The following TMEM59 variants were observed in gnomAD, a reference collection of about 807,000 sequenced individuals.
TMEM59 encodes dendritic cell factor 1.
In TMEM59, 44 loss-of-function variants were observed where a neutral mutation model predicts 42.2. That is an observed-to-expected ratio of 1.04 (90% CI 0.82 to 1.34). The LOEUF is 1.34. TMEM59 is among the 40% of genes most tolerant of loss of function. The pLI, the probability that TMEM59 is intolerant of heterozygous loss-of-function variation, is 0.00. For synonymous variants in TMEM59, 148 were observed against 145.8 expected, an observed-to-expected ratio of 1.02 and a Z score of -0.11; for missense variants, 359 against 382.8, an observed-to-expected ratio of 0.94 and a Z score of 0.52.
At chr1:54,046,683 TAAAC>T (rs1657348914) in intron 2 of TMEM59, among the ~76,000 whole-genome samples, 1 of 152,220 alleles carries the variant, frequency 6.6e-6, no homozygotes, top group Non-Finnish European at 1.5e-5. Context: ...TCTACACTAA[TAAAC>T]AGTGTAACGA....
rs1023067020 is a variant in TMEM59 at position 54,030,780 on chromosome 1, T to A, written c.*1370A>T. 4 of 152,210 alleles carry A rather than the reference T, an allele frequency of 2.6e-5. No homozygotes were observed. The highest frequency in any genetic ancestry group is 6.5e-5 in the Admixed American group (1 of 15,280). The allele number at this position is 152,210 out of a possible 1,614,324, so 9.4% of individuals were successfully genotyped here. A position where few individuals can be genotyped will look rare whatever the true frequency, so the allele number is the denominator to read the frequency against. On this transcript the variant is annotated 3_prime_UTR_variant, in exon 8 of 8. Transcript: ENST00000234831. ...ACCAAAGTCTTCCTTGATTAGCTGT[T>A]AACTGCTTTTCATTTGGACTCAGGA... is the stretch of plus-strand genomic sequence containing the variant.
intron 7 of TMEM59, chr1:54,034,447 T>C (rs912662161): frequency 6.6e-6 from 1 of 152,238 alleles, no homozygotes; most frequent in Non-Finnish European, 1.5e-5. Context: ...GGTGCCCCAG[T>C]ACCTTAAGCT....
intron 7 of TMEM59, among the ~76,000 whole-genome samples, chr1:54,032,850 T>C (rs751003053): frequency 8.6e-5 from 13 of 151,324 alleles, no homozygotes; most frequent in African/African-American, 1.9e-4. Context: ...ATAAAACTCA[T>C]TGGAGAATAA....
chr1:54,053,272 T>C (rs759034128), upstream of TMEM59: 9 of 1,515,172 alleles, frequency 5.9e-6, no homozygotes, highest in South Asian at 1.0e-4. Flanking sequence ...AGCCCCCTTC[T>C]CCGCCCCACC....
rs1656624216 is a variant in TMEM59, at chr1:54,027,108, A to G, written c.*5042T>C. 1 of 152,232 alleles carries G rather than the reference A, an allele frequency of 6.6e-6. No individual in the cohort carries two copies. The allele number at this position is 152,232 out of a possible 1,614,324, so 9.4% of individuals were successfully genotyped here. ...TATAACATTTCCTTCAATTACGAAT[A>G]TAGGAAACAGTCCACAGTAGGATCA... On this transcript the variant is annotated 3_prime_UTR_variant, in exon 8 of 8. Transcript: ENST00000234831.
In TMEM59 at chr1:54,045,172, G is replaced by C. The variant is rs922243957; in HGVS notation, c.390+520C>G. On this transcript the variant is annotated intron_variant, in intron 3 of 7. Transcript: ENST00000234831. ...AGGAGTAGGTTGTGATAAACAGTTT[G>C]GACTTAAATCTATATGTAATTGGGA... is the stretch of plus-strand genomic sequence containing the variant. Among the ~76,000 whole-genome samples the C allele has an allele frequency of 2.6e-5, 4 of 152,030 alleles. No homozygotes were observed. The East Asian group carries it at 7.7e-4, about 29-fold the overall frequency.
intron 3 of TMEM59, chr1:54,044,506 C>T (rs1569957963): frequency 1.4e-5 from 2 of 142,460 alleles, no homozygotes; most frequent in Admixed American, 7.0e-5. Flanking sequence ...CTTTTTTCAT[C>T]TGTTTTTTTT....
At chr1:54,044,945 A>G (rs1657278885) in intron 3 of TMEM59, 1 of 152,234 alleles carries the variant, frequency 6.6e-6, no homozygotes, top group Admixed American at 6.5e-5. Flanking sequence ...GCTACATTCA[A>G]GAGGGAAAAC....
chr1:54,051,343 ATAAAT>A (rs1657531652), intron 1 of TMEM59, among the ~76,000 whole-genome samples: 1 of 152,228 alleles, frequency 6.6e-6, no homozygotes, highest in African/African-American at 2.4e-5. Context: ...TAATGGTATG[ATAAAT>A]CTCCCATCAC....
chr1:54,051,863 T>TA (rs1231543313), intron 1 of TMEM59, among the ~76,000 whole-genome samples: 1 of 152,226 alleles, frequency 6.6e-6, no homozygotes, highest in Non-Finnish European at 1.5e-5. Context: ...TGAAAATTGA[T>TA]AATCTCCATG....
Position 54,036,627 on chromosome 1 carries a change from G to A in TMEM59, c.799C>T (p.Gln267Ter), listed in dbSNP as rs773256883. 2.5e-6 allele frequency: 4 copies of A among 1,607,374 alleles called. No individual in the cohort carries two copies. The East Asian group carries it at 6.7e-5, about 27-fold the overall frequency. Reference sequence around the variant, plus strand: ...AAATTTACCTCAGAGGGAACATACTGCTCCACAGCTGTAGCAACAGTTGCA... The same window carrying A: ...AAATTTACCTCAGAGGGAACATACTACTCCACAGCTGTAGCAACAGTTGCA... ...CCATVATAVE[Q>*]YVPSEKLSIY... The change falls in exon 7 of 8, where the codon CAG becomes TAG. Residue 267 changes from glutamine to a stop codon, truncating the protein, a stop_gained. Coordinates refer to ENST00000234831, the MANE Select transcript of TMEM59 (RefSeq NM_004872.5). LOFTEE classifies it high-confidence loss of function.
At chr1:54,032,437 T>G (rs1326683265) in intron 7 of TMEM59, 132 bp from the exon 8 acceptor site, 2 of 928,244 alleles carry the variant, frequency 2.2e-6, no homozygotes, top group African/African-American at 1.7e-5. Flanking sequence ...GAAAGAAGAA[T>G]ACTTTTTCTC....
chr1:54,045,806 A>T lies in TMEM59; in HGVS notation c.296-20T>A. 1 of 1,578,562 alleles carries T rather than the reference A, an allele frequency of 6.3e-7. No homozygotes were observed. Among genetic ancestry groups the T allele is most frequent in the South Asian group, 1.2e-5 (1 of 86,558 alleles). ...TACATGCTGTAAGAGAAAAATAGTC[A>T]AATTACAAGAAACAAAAGAGAAAGG... On this transcript the variant is annotated intron_variant, in intron 2 of 7. Transcript: ENST00000234831.
Position 54,053,153 on chromosome 1 carries a change from G to A in TMEM59, c.36C>T (p.Thr12=). The A allele has an allele frequency of 6.2e-7, 1 of 1,614,224 alleles. No homozygotes were observed. Among genetic ancestry groups the A allele is most frequent in the Non-Finnish European group, 8.5e-7 (1 of 1,180,038 alleles). ...AAPKGSLWVR[T]QLGLPPLLLL... ...GCAGCAGCGGCGGGAGCCCCAGTTG[G>A]GTCCTCACCCAGAGGCTCCCCTTCG... Residue 12 remains threonine, a synonymous_variant, in exon 1 of 8, where the codon ACC becomes ACT. Transcript: ENST00000234831.
In TMEM59 at chr1:54,047,279, C is replaced by T; in HGVS notation, c.283G>A (p.Glu95Lys). The T allele has an allele frequency of 6.2e-7, 1 of 1,613,366 alleles. No individual in the cohort carries two copies. Among genetic ancestry groups the T allele is most frequent in the Non-Finnish European group, 8.5e-7 (1 of 1,179,736 alleles). The change falls in exon 2 of 8, where the codon GAA becomes AAA. Residue 95 changes from glutamate (E) to lysine (K), a missense_variant. Physicochemically the swap from Glu to Lys is moderately conservative, Grantham distance 56 (BLOSUM62 1). Transcript: ENST00000234831. ...CATAGCATCTTACCAGATTCACATTCCAATTTAGTTCGATTTAAGTCAATT... is the reference window on the plus strand; with the variant it reads ...CATAGCATCTTACCAGATTCACATTTCAATTTAGTTCGATTTAAGTCAATT... Reference protein sequence around the residue: ...DGIDLNRTKLECESACTEAYS... With the variant: ...DGIDLNRTKLKCESACTEAYS...
chr1:54,041,007 T>TGTGATAGA (rs1657119638), intron 5 of TMEM59, among the ~76,000 whole-genome samples, 170 bp from the exon 6 acceptor site: 1 of 152,260 alleles, frequency 6.6e-6, no homozygotes, highest in Non-Finnish European at 1.5e-5. Context: ...ACCAAATGAA[T>TGTGATAGA]ATTCTATCAC....
chr1:54,050,798 G>A (rs577066900), intron 1 of TMEM59, among the ~76,000 whole-genome samples: 17 of 151,102 alleles, frequency 1.1e-4, no homozygotes, highest in East Asian at 4.0e-4. Flanking sequence ...CTGACCTGAG[G>A]TGATCCACCC....
At chr1:54,034,913 C>T (rs1028568243) in intron 7 of TMEM59, 1 of 152,190 alleles carries the variant, frequency 6.6e-6, no homozygotes, top group African/African-American at 2.4e-5. Flanking sequence ...GTTCACAACT[C>T]TACCTAACAA....
intron 6 of TMEM59, among the ~76,000 whole-genome samples, chr1:54,039,558 A>G (rs181379969): frequency 4.1e-4 from 62 of 152,342 alleles, no homozygotes; most frequent in African/African-American, 1.4e-3. Context: ...TGCTTAGTAA[A>G]AAGTATTAAT....
Sources: allele counts gnomAD v4.1 joint callset (sites outside exome capture counted in the v4.1 genomes callset), GRCh38; gene constraint gnomAD v4.1.1; transcripts MANE v1.5; gene names NCBI Gene and HGNC (gene_info 2026-07-23, HGNC 2026-07-21).